GRM3: variants seen among roughly 807,000 people sequenced by gnomAD.
The protein encoded by GRM3 is metabotropic glutamate receptor 3.
GRM3 carries 26 observed loss-of-function variants against 70.5 expected under a neutral mutation model. The observed-to-expected ratio is 0.37, with a 90% CI of 0.27 to 0.51. The LOEUF is 0.51. Among genes scored for constraint, GRM3 ranks in the 20% least tolerant of loss-of-function variants. The probability of loss-of-function intolerance (pLI) is 0.93; values close to 1 mark genes in which losing one functional copy is unlikely to be tolerated. For synonymous variants in GRM3, 443 were observed against 434.9 expected, an observed-to-expected ratio of 1.02 and a Z score of -0.23; for missense variants, 859 against 1,123.8, an observed-to-expected ratio of 0.76 and a Z score of 3.37.
intron 1 of GRM3, among the ~76,000 whole-genome samples, chr7:86,671,671 G>T (rs1299775578): frequency 6.6e-6 from 1 of 152,154 alleles, no homozygotes; most frequent in Non-Finnish European, 1.5e-5. Context: ...CAGTGCTTTT[G>T]ATTATCTCAC....
rs143283066 is a variant in GRM3, at chr7:86,660,015, C to T, written c.-141+15143C>T. 9.1e-3 allele frequency among the ~76,000 whole-genome samples: 1,388 copies of T among 152,096 alleles called. 16 individuals are homozygous for T. Among genetic ancestry groups the T allele is most frequent in the African/African-American group, 0.032 (1,325 of 41,536 alleles). ...GAAAATCATTGGTCAGGAAAGAAAA[C>T]TGTCCTACTTTATTCTTTTACCTGT... On this transcript the variant is annotated intron_variant, in intron 1 of 5. Transcript: ENST00000361669.
intron 3 of GRM3, among the ~76,000 whole-genome samples, chr7:86,827,870 T>C (rs1217226515): frequency 3.9e-5 from 6 of 152,036 alleles, no homozygotes; most frequent in Admixed American, 3.9e-4. Context: ...CCCAGCACTT[T>C]GGGAGGCCAA....
chr7:86,754,228 G>C (rs1796293824), intron 1 of GRM3, among the ~76,000 whole-genome samples: 1 of 152,064 alleles, frequency 6.6e-6, no homozygotes, highest in Non-Finnish European at 1.5e-5. Flanking sequence ...ACATCAGTTA[G>C]GCCTTGATAC....
chr7:86,732,497 T>C (rs557556754), intron 1 of GRM3, among the ~76,000 whole-genome samples: 9 of 152,318 alleles, frequency 5.9e-5, no homozygotes, highest in African/African-American at 2.2e-4. Flanking sequence ...TCAGAGACTA[T>C]AGTTCAACCA....
intron 2 of GRM3, among the ~76,000 whole-genome samples, chr7:86,771,735 T>C (rs565657423): frequency 5.3e-5 from 8 of 152,046 alleles, no homozygotes; most frequent in South Asian, 2.1e-4. Context: ...TGAGTATCAA[T>C]TGGCAACATA....
chr7:86,698,023 C>T (rs114913893), intron 1 of GRM3, among the ~76,000 whole-genome samples: 2,049 of 152,196 alleles, frequency 0.013, 37 homozygotes, highest in African/African-American at 0.047. Context: ...ACTGGTCTTA[C>T]AGATATTAAA....
chr7:86,718,930 T>C (rs1053199265), intron 1 of GRM3, among the ~76,000 whole-genome samples: 2 of 152,018 alleles, frequency 1.3e-5, no homozygotes, highest in Admixed American at 6.6e-5. Flanking sequence ...TTTTGAGCTC[T>C]GAATGACACT....
At chr7:86,815,863 A>G (rs193081406) in intron 3 of GRM3, among the ~76,000 whole-genome samples, 5 of 152,058 alleles carry the variant, frequency 3.3e-5, no homozygotes, top group Admixed American at 3.3e-4. Flanking sequence ...CTGCCAACTC[A>G]TGTTACAGAA....
intron 3 of GRM3, among the ~76,000 whole-genome samples, chr7:86,836,676 C>T (rs903115305): frequency 1.3e-5 from 2 of 152,148 alleles, no homozygotes; most frequent in Admixed American, 1.3e-4. Context: ...CTTTTATGAG[C>T]AGCTTTCCTT....
chr7:86,772,011 C>G lies in GRM3; in HGVS notation c.468+6398C>G, dbSNP rs567355114. Among the ~76,000 whole-genome samples the G allele has an allele frequency of 1.4e-3, 208 of 152,194 alleles. 1 individual carries two copies. Among genetic ancestry groups the G allele is most frequent in the African/African-American group, 4.8e-3 (200 of 41,546 alleles). ...CTTCAGTCCTATCCCTGTGAGAACCCTTTCCCAAGTACTCACTTCATGTAC... is the reference window on the plus strand; with the variant it reads ...CTTCAGTCCTATCCCTGTGAGAACCGTTTCCCAAGTACTCACTTCATGTAC... On this transcript the variant is annotated intron_variant, in intron 2 of 5. Transcript: ENST00000361669.
At chr7:86,763,493 G>T (rs960977537) in intron 1 of GRM3, among the ~76,000 whole-genome samples, 17 of 152,158 alleles carry the variant, frequency 1.1e-4, no homozygotes, top group African/African-American at 4.1e-4. Flanking sequence ...ATGTGTGCAT[G>T]CAACTAGACT....
chr7:86,777,505 C>T (rs994649105), intron 2 of GRM3, among the ~76,000 whole-genome samples: 6 of 152,120 alleles, frequency 3.9e-5, no homozygotes, highest in East Asian at 1.9e-4. Flanking sequence ...TTTTTGGGGC[C>T]CATGGCATGT....
intron 3 of GRM3, among the ~76,000 whole-genome samples, chr7:86,788,438 T>C (rs1446761899): frequency 1.3e-5 from 2 of 152,194 alleles, no homozygotes; most frequent in African/African-American, 4.8e-5. Flanking sequence ...TCAAAATCAA[T>C]TATGTCAGTA....
chr7:86,711,553 G>A (rs149686883), intron 1 of GRM3, among the ~76,000 whole-genome samples: 8 of 151,810 alleles, frequency 5.3e-5, no homozygotes, highest in African/African-American at 1.7e-4. Context: ...TACCCTATTC[G>A]TGATCATTGA....
intron 1 of GRM3, 21 bp downstream of exon 1, chr7:86,644,893 C>T (rs1206995151): frequency 8.0e-6 from 10 of 1,256,982 alleles, no homozygotes; most frequent in Non-Finnish European, 1.0e-5. Context: ...CAGAGGAGGA[C>T]GTGTCCCTCT....
chr7:86,787,001 T>C lies in GRM3; in HGVS notation c.1209T>C (p.Ala403=). ...ACGCGGTGTATGCCATGGCCCACGC[T>C]TTGCACAAAATGCAGCGCACCCTCT... is the stretch of plus-strand genomic sequence containing the variant. ...VVNAVYAMAH[A]LHKMQRTLCP... is the part of the protein sequence containing the mutation. Residue 403 remains alanine, a synonymous_variant, in exon 3 of 6, where the codon GCT becomes GCC. Transcript: ENST00000361669. The C allele has an allele frequency of 6.2e-7, 1 of 1,614,064 alleles. No individual in the cohort carries two copies. Among genetic ancestry groups the C allele is most frequent in the East Asian group, 2.2e-5 (1 of 44,870 alleles).
chr7:86,796,933 G>A (rs1453493346), intron 3 of GRM3, among the ~76,000 whole-genome samples: 1 of 152,150 alleles, frequency 6.6e-6, no homozygotes, highest in Non-Finnish European at 1.5e-5. Flanking sequence ...TTATAAAAGG[G>A]CAGATCCCCT....
intron 4 of GRM3, among the ~76,000 whole-genome samples, chr7:86,845,179 T>C (rs1038742379): frequency 2.6e-5 from 4 of 152,114 alleles, no homozygotes; most frequent in Admixed American, 2.0e-4. Context: ...TGAGAGCCAC[T>C]GCACCCAGCC....
intron 4 of GRM3, among the ~76,000 whole-genome samples, chr7:86,843,736 TCTC>T (rs1798602422): frequency 6.6e-6 from 1 of 152,180 alleles, no homozygotes; most frequent in Non-Finnish European, 1.5e-5. Context: ...TAGGCAAGTC[TCTC>T]CTCTTTTGTA....
Sources: gnomAD v4.1 joint callset for allele counts (sites outside exome capture counted in the v4.1 genomes callset) on GRCh38, gnomAD v4.1.1 for gene constraint, MANE v1.5 for transcripts, NCBI Gene and HGNC (gene_info 2026-07-23, HGNC 2026-07-21) for gene names.